The following IFT74 variants were observed in gnomAD, a reference collection of about 807,000 sequenced individuals.
IFT74 encodes intraflagellar transport 74, also known as intraflagellar transport protein 74 homolog.
A neutral mutation model predicts 96.7 loss-of-function variants in IFT74; 92 were observed. The ratio of observed to expected loss-of-function variants is 0.95; its 90% confidence interval spans 0.80 to 1.13. The LOEUF is 1.13. Ranked by LOEUF, IFT74 falls within the 50% of genes most tolerant of loss-of-function variation. The pLI is 0.00. For synonymous variants in IFT74, 223 were observed against 213.2 expected (o/e 1.05, Z -0.40); for missense variants, 811 against 698.2 (o/e 1.16, Z -1.82).
At chr9:26,983,776 CTTTTTTTTTTT>C (rs964939421) in intron 4 of IFT74, 1 of 109,918 alleles carries the variant, frequency 9.1e-6, no homozygotes, top group Non-Finnish European at 1.9e-5. Flanking sequence ...ATACCTCATT[CTTTTTTTTTTT>C]TTTTTTTTTT....
intron 12 of IFT74, among the ~76,000 whole-genome samples, chr9:27,019,222 G>T (rs1829487416): frequency 6.6e-6 from 1 of 152,074 alleles, no homozygotes; most frequent in African/African-American, 2.4e-5. Context: ...TTCCCAAAGA[G>T]CTGGGATTAA....
chr9:27,033,508 G>A (rs907550498), intron 13 of IFT74, among the ~76,000 whole-genome samples: 1 of 142,428 alleles, frequency 7.0e-6, no homozygotes, highest in South Asian at 2.3e-4. Flanking sequence ...GCAGTAAGCC[G>A]AAATCACTCC....
intron 6 of IFT74, among the ~76,000 whole-genome samples, chr9:26,988,292 C>T (rs917510764): frequency 6.6e-6 from 1 of 152,088 alleles, no homozygotes; most frequent in Non-Finnish European, 1.5e-5. Flanking sequence ...TTCCTCTCTC[C>T]TTGGGGATGT....
intron 8 of IFT74, chr9:26,998,096 G>T (rs771876471): frequency 1.2e-6 from 2 of 1,613,246 alleles, no homozygotes; most frequent in Non-Finnish European, 1.7e-6. Flanking sequence ...ATAGAGCTCT[G>T]TGAGTAAAAA....
At chr9:27,014,826 C>T (rs1423545488) in intron 10 of IFT74, among the ~76,000 whole-genome samples, 2 of 152,170 alleles carry the variant, frequency 1.3e-5, no homozygotes, top group Admixed American at 1.3e-4. Flanking sequence ...CCAGGCTGGT[C>T]TTGAACTCCT....
chr9:27,022,516 T>G (rs142244688), intron 12 of IFT74, among the ~76,000 whole-genome samples: 1,584 of 152,294 alleles, frequency 0.01, 36 homozygotes, highest in African/African-American at 0.036. Flanking sequence ...CGGCAGTGTT[T>G]TGTAGTTTTC....
At chr9:26,949,250 C>T (rs1195133811) in intron 1 of IFT74, among the ~76,000 whole-genome samples, 4 of 152,140 alleles carry the variant, frequency 2.6e-5, no homozygotes, top group Non-Finnish European at 4.4e-5. Flanking sequence ...ATTTAGTTCT[C>T]ACAATAACCC....
At chr9:26,995,499 A>G (rs549115371) in intron 8 of IFT74, 18 of 1,439,600 alleles carry the variant, frequency 1.3e-5, no homozygotes, top group Middle Eastern at 2.4e-4. Flanking sequence ...ACTTTGCTTT[A>G]AAAAGCAAAC....
intron 8 of IFT74, chr9:26,993,772 CTCA>C (rs1399666530): frequency 6.6e-6 from 1 of 152,160 alleles, no homozygotes; most frequent in African/African-American, 2.4e-5. Context: ...GCTCCATCAG[CTCA>C]TATTTGACCT....
chr9:26,998,262 A>G, intron 8 of IFT74: 1 of 1,345,468 alleles, frequency 7.4e-7, no homozygotes, highest in Non-Finnish European at 1.0e-6. Flanking sequence ...AAAAAAAAGA[A>G]AGGCATTAAT....
At chr9:27,058,092 T>C (rs1255889745) in intron 18 of IFT74, among the ~76,000 whole-genome samples, 1 of 151,698 alleles carries the variant, frequency 6.6e-6, no homozygotes, top group Non-Finnish European at 1.5e-5. Flanking sequence ...TTTTCAGCCT[T>C]CTTTTTTTTT....
At chr9:26,949,514 G>A (rs1369374631) in intron 1 of IFT74, among the ~76,000 whole-genome samples, 1 of 151,812 alleles carries the variant, frequency 6.6e-6, no homozygotes, top group Non-Finnish European at 1.5e-5. Flanking sequence ...TTTTCCCCTC[G>A]TGCTGTAATT....
chr9:26,952,462 A>G (rs1180804907), upstream of IFT74, among the ~76,000 whole-genome samples: 1 of 151,972 alleles, frequency 6.6e-6, no homozygotes, highest in Non-Finnish European at 1.5e-5. Flanking sequence ...TGTTTAGTAG[A>G]GACGGGGTTT....
Position 26,961,960 on chromosome 9 carries a change from A to T in IFT74, c.-8A>T. ...TTGTTTCCAAACAGCGATTAAAGTG[A>T]AGAAACAATGGCCAGCAATCACAAA... On this transcript the variant is annotated 5_prime_UTR_variant, in exon 2 of 20. Coordinates refer to ENST00000380062, the MANE Select transcript of IFT74 (RefSeq NM_025103.4). 1 of 1,614,196 alleles carries T rather than the reference A, an allele frequency of 6.2e-7. No individual in the cohort carries two copies. Among genetic ancestry groups the T allele is most frequent in the South Asian group, 1.1e-5 (1 of 91,088 alleles).
chr9:26,996,426 C>T (rs1828160129), intron 8 of IFT74: 1 of 1,605,112 alleles, frequency 6.2e-7, no homozygotes, highest in Non-Finnish European at 8.5e-7. Context: ...GGCATTCAGC[C>T]TTATGAGGTA....
intron 6 of IFT74, among the ~76,000 whole-genome samples, chr9:26,984,942 A>G (rs892786977): frequency 1.3e-5 from 2 of 152,196 alleles, no homozygotes; most frequent in East Asian, 1.9e-4. Flanking sequence ...CAGCCCGTCA[A>G]TCCCATTACT....
At chr9:27,014,729 C>T (rs1202259713) in intron 10 of IFT74, among the ~76,000 whole-genome samples, 1 of 152,166 alleles carries the variant, frequency 6.6e-6, no homozygotes. Context: ...CCTGCCTCAG[C>T]CTCCCGAGTA....
intron 7 of IFT74, among the ~76,000 whole-genome samples, chr9:26,989,738 A>G (rs1180370359): frequency 1.3e-5 from 2 of 152,100 alleles, no homozygotes; most frequent in Non-Finnish European, 2.9e-5. Flanking sequence ...AGGTAGAGTT[A>G]ATTAGGTGTA....
chr9:27,063,141 A>G lies in IFT74; in HGVS notation c.*405A>G, dbSNP rs1042732820. 1.4e-4 allele frequency among the ~76,000 whole-genome samples: 22 copies of G among 152,240 alleles called. No homozygotes were observed. Among genetic ancestry groups the G allele is most frequent in the African/African-American group, 5.1e-4 (21 of 41,548 alleles). ...TTGTCAATTTTTACTTCTAGAAAAA[A>G]TTAGTAAGATTAGAAGGGAGATTTT... On this transcript the variant is annotated 3_prime_UTR_variant, in exon 20 of 20. Coordinates refer to ENST00000380062, the MANE Select transcript of IFT74 (RefSeq NM_025103.4).
Sources: allele counts gnomAD v4.1 joint callset (sites outside exome capture counted in the v4.1 genomes callset), GRCh38; gene constraint gnomAD v4.1.1; transcripts MANE v1.5; gene names NCBI Gene and HGNC (gene_info 2026-07-23, HGNC 2026-07-21).